The following DROSHA variants were observed in gnomAD, a reference collection of about 807,000 sequenced individuals.
DROSHA encodes drosha ribonuclease III.
A neutral mutation model predicts 181.9 loss-of-function variants in DROSHA; 56 were observed. The ratio of observed to expected loss-of-function variants is 0.31; its 90% CI spans 0.25 to 0.38. DROSHA has a LOEUF of 0.38. Ranked by LOEUF, DROSHA falls within the 10% of genes least tolerant of loss-of-function variation. The pLI is 1.00. For missense variants in DROSHA, 1,218 were observed against 1,743.5 expected (o/e 0.70, Z 5.37); for synonymous variants, 524 against 591.2 (o/e 0.89, Z 1.65).
At chr5:31,505,269 G>T (rs923712945) in intron 10 of DROSHA, among the ~76,000 whole-genome samples, 4 of 152,180 alleles carry the variant, frequency 2.6e-5, no homozygotes, top group Non-Finnish European at 4.4e-5. Flanking sequence ...GGGTCCGTGT[G>T]CTCAATGAAT....
intron 20 of DROSHA, among the ~76,000 whole-genome samples, chr5:31,452,206 T>C (rs1321440885): frequency 6.6e-6 from 1 of 152,236 alleles, no homozygotes; most frequent in East Asian, 1.9e-4. Flanking sequence ...AAAATGACTC[T>C]TTCCCCAGAA....
chr5:31,451,153 G>A (rs1476262299), intron 21 of DROSHA, among the ~76,000 whole-genome samples: 2 of 151,970 alleles, frequency 1.3e-5, no homozygotes, highest in Non-Finnish European at 2.9e-5. Context: ...AGTGGGCCGA[G>A]ATCACGCCAT....
chr5:31,482,165 T>C (rs533827508), intron 16 of DROSHA, among the ~76,000 whole-genome samples: 1 of 152,230 alleles, frequency 6.6e-6, no homozygotes, highest in East Asian at 1.9e-4. Context: ...GGTGGAAAGG[T>C]TACACGAAGA....
At chr5:31,429,349 T>C in intron 27 of DROSHA, 126 bp downstream of exon 27, 2 of 787,308 alleles carry the variant, frequency 2.5e-6, no homozygotes, top group Non-Finnish European at 3.8e-6. Flanking sequence ...TATTGAAATG[T>C]CCCATCTATG....
chr5:31,529,359 T>C (rs796930089), intron 3 of DROSHA, among the ~76,000 whole-genome samples: 7 of 152,148 alleles, frequency 4.6e-5, no homozygotes, highest in African/African-American at 1.7e-4. Context: ...TAGGCATAGA[T>C]CATCTCTAAT....
At chr5:31,509,231 C>G (rs1267088991) in intron 9 of DROSHA, among the ~76,000 whole-genome samples, 1 of 147,776 alleles carries the variant, frequency 6.8e-6, no homozygotes, top group Non-Finnish European at 1.5e-5. Flanking sequence ...ACCAAATACT[C>G]TACTAAGCAA....
intron 33 of DROSHA, among the ~76,000 whole-genome samples, chr5:31,408,320 T>C (rs377215666): frequency 6.6e-6 from 1 of 152,220 alleles, no homozygotes; most frequent in African/African-American, 2.4e-5. Context: ...CTTAAAATCA[T>C]GTACCCAGAC....
intron 34 of DROSHA, among the ~76,000 whole-genome samples, chr5:31,406,325 A>AC (rs1346649417): frequency 6.6e-6 from 1 of 152,044 alleles, no homozygotes; most frequent in Admixed American, 6.6e-5. Flanking sequence ...AGCTTGGCCA[A>AC]CATGGTAAAA....
chr5:31,503,096 T>C (rs932262922), intron 11 of DROSHA, among the ~76,000 whole-genome samples: 1 of 151,998 alleles, frequency 6.6e-6, no homozygotes, highest in African/African-American at 2.4e-5. Flanking sequence ...GCAGCCACCA[T>C]GGAAGAGGTA....
intron 16 of DROSHA, among the ~76,000 whole-genome samples, chr5:31,473,529 A>G (rs973733859): frequency 2.0e-5 from 3 of 151,720 alleles, no homozygotes; most frequent in African/African-American, 7.2e-5. Context: ...CCCTGAGAAC[A>G]CAGCAATGAT....
chr5:31,471,392 GA>G (rs1395746510), intron 17 of DROSHA, among the ~76,000 whole-genome samples: 1 of 151,778 alleles, frequency 6.6e-6, no homozygotes, highest in Admixed American at 6.6e-5. Flanking sequence ...TAATTTAGAA[GA>G]AAAAAATTGA....
chr5:31,483,786 G>A (rs1380671362), intron 15 of DROSHA, among the ~76,000 whole-genome samples, 158 bp from the exon 16 acceptor site: 2 of 152,132 alleles, frequency 1.3e-5, no homozygotes, highest in Non-Finnish European at 2.9e-5. Context: ...CCTCCTCAGT[G>A]GCTAAATCAA....
chr5:31,425,042 T>A (rs1029169126), intron 27 of DROSHA, among the ~76,000 whole-genome samples: 2 of 152,158 alleles, frequency 1.3e-5, no homozygotes, highest in Admixed American at 1.3e-4. Context: ...TATTACTTTA[T>A]CCACTGACTT....
chr5:31,423,591 G>A (rs1156719620), intron 28 of DROSHA, among the ~76,000 whole-genome samples: 2 of 152,146 alleles, frequency 1.3e-5, no homozygotes, highest in Non-Finnish European at 2.9e-5. Flanking sequence ...AACTGGTAGA[G>A]AGCAAATATG....
At chr5:31,506,743 G>C (rs1192641501) in intron 10 of DROSHA, among the ~76,000 whole-genome samples, 1 of 151,626 alleles carries the variant, frequency 6.6e-6, no homozygotes, top group Non-Finnish European at 1.5e-5. Context: ...CTTAATGCCA[G>C]TCATGACTTG....
chr5:31,452,224 C>G (rs1214385285), intron 20 of DROSHA, among the ~76,000 whole-genome samples: 1 of 152,126 alleles, frequency 6.6e-6, no homozygotes, highest in African/African-American at 2.4e-5. Flanking sequence ...GAAAAATGTC[C>G]CTGTGCACAA....
chr5:31,445,120 G>A (rs1224082605), intron 23 of DROSHA, among the ~76,000 whole-genome samples: 2 of 152,134 alleles, frequency 1.3e-5, no homozygotes, highest in African/African-American at 2.4e-5. Flanking sequence ...GATAAGCATA[G>A]CTATTCCACT....
intron 27 of DROSHA, among the ~76,000 whole-genome samples, chr5:31,427,103 A>G (rs1743565710): frequency 6.6e-6 from 1 of 152,196 alleles, no homozygotes; most frequent in Admixed American, 6.5e-5. Flanking sequence ...GAAATGAGGT[A>G]TCTGTGAAAC....
chr5:31,494,881 A>G (rs1232339168), intron 12 of DROSHA, among the ~76,000 whole-genome samples: 1 of 151,868 alleles, frequency 6.6e-6, no homozygotes, highest in African/African-American at 2.4e-5. Flanking sequence ...TCACCGTGTT[A>G]GCCAGGACGG....
Sources: gnomAD v4.1 joint callset for allele counts (sites outside exome capture counted in the v4.1 genomes callset) on GRCh38, gnomAD v4.1.1 for gene constraint, MANE v1.5 for transcripts, NCBI Gene and HGNC (gene_info 2026-07-23, HGNC 2026-07-21) for gene names.